GNPTAB: variants seen among roughly 807,000 people sequenced by gnomAD.
GNPTAB encodes the protein N-acetylglucosamine-1-phosphate transferase subunits alpha and beta, also known as N-acetylglucosamine-1-phosphotransferase subunits alpha/beta.
GNPTAB carries 92 observed loss-of-function variants against 136.6 expected under a neutral mutation model. That is an observed-to-expected ratio of 0.67 (90% CI 0.57 to 0.80). GNPTAB has a LOEUF of 0.80. Ranked by LOEUF, GNPTAB falls within the 30% of genes least tolerant of loss-of-function variation. GNPTAB has a pLI of 0.00. For missense variants in GNPTAB, 1,343 were observed against 1,501.8 expected (o/e 0.89, Z 1.75); for synonymous variants, 512 against 535.1 (o/e 0.96, Z 0.60).
intron 6 of GNPTAB, 29 bp from the exon 7 acceptor site, chr12:101,780,315 T>G (rs1030994322): frequency 3.5e-5 from 56 of 1,612,524 alleles, no homozygotes; most frequent in Non-Finnish European, 4.8e-5. Context: ...CATAACTCAT[T>G]TTCCACATCA....
At chr12:101,826,255 T>C (rs1184179144) in intron 1 of GNPTAB, among the ~76,000 whole-genome samples, 1 of 152,154 alleles carries the variant, frequency 6.6e-6, no homozygotes, top group Non-Finnish European at 1.5e-5. Flanking sequence ...ACGAGTAGAT[T>C]CTATGTGAAC....
At chr12:101,802,198 TTA>T (rs1491381518) in intron 1 of GNPTAB, among the ~76,000 whole-genome samples, 1 of 106,324 alleles carries the variant, frequency 9.4e-6, no homozygotes, top group Non-Finnish European at 1.9e-5. Context: ...ACCCTGTCTC[TTA>T]AAAAAAAAAA....
chr12:101,828,517 G>A (rs533171220), intron 1 of GNPTAB, among the ~76,000 whole-genome samples: 9 of 152,250 alleles, frequency 5.9e-5, no homozygotes. Flanking sequence ...AAATTAGCCA[G>A]GTGTGGTGGC....
intron 13 of GNPTAB, 42 bp from the exon 14 acceptor site, chr12:101,761,805 T>C (rs1410543506): frequency 7.3e-7 from 1 of 1,374,096 alleles, no homozygotes; most frequent in Admixed American, 1.7e-5. Context: ...TTATGTTTAG[T>C]GCACAAGTGT....
At chr12:101,763,045 AC>A (rs1953025551) in intron 13 of GNPTAB, among the ~76,000 whole-genome samples, 1 of 151,932 alleles carries the variant, frequency 6.6e-6, no homozygotes, top group African/African-American at 2.4e-5. Flanking sequence ...ACATGGTGAA[AC>A]CCCGTCTCCA....
chr12:101,803,968 G>A (rs999005439), intron 1 of GNPTAB, among the ~76,000 whole-genome samples: 3 of 151,936 alleles, frequency 2.0e-5, no homozygotes, highest in African/African-American at 7.3e-5. Context: ...ATGGTGGCTC[G>A]TGCCTGTAAT....
chr12:101,777,320 C>T (rs1009588930), intron 7 of GNPTAB, among the ~76,000 whole-genome samples: 1 of 152,188 alleles, frequency 6.6e-6, no homozygotes, highest in Non-Finnish European at 1.5e-5. Context: ...GCAGATCAGA[C>T]TGTGTCCTTC....
intron 1 of GNPTAB, among the ~76,000 whole-genome samples, chr12:101,823,794 G>A (rs148356561): frequency 6.6e-6 from 1 of 152,238 alleles, no homozygotes; most frequent in East Asian, 1.9e-4. Flanking sequence ...CTTGAGCTGT[G>A]TTTAACAAAG....
intron 19 of GNPTAB, among the ~76,000 whole-genome samples, chr12:101,749,766 T>C (rs755569454): frequency 1.3e-5 from 2 of 152,172 alleles, no homozygotes; most frequent in Non-Finnish European, 2.9e-5. Flanking sequence ...GAAGGAGCAG[T>C]AGAGTGGCAC....
chr12:101,746,569 G>A lies in GNPTAB; in HGVS notation c.*595C>T, dbSNP rs1952738467. The A allele has an allele frequency of 6.5e-6, 1 of 153,142 alleles. No individual in the cohort carries two copies. Among genetic ancestry groups the A allele is most frequent in the South Asian group, 2.0e-4 (1 of 4,890 alleles). 9.5% of individuals were successfully genotyped at this position (153,142 alleles called of 1,614,324 possible). ...AGCTCTTCAGTAGTTAGTGGTTTAA[G>A]ACCATTTACAGTCTTAAATATTAAT... On this transcript the variant is annotated 3_prime_UTR_variant, in exon 21 of 21. Coordinates refer to ENST00000299314, the MANE Select transcript of GNPTAB (RefSeq NM_024312.5).
intron 1 of GNPTAB, among the ~76,000 whole-genome samples, chr12:101,824,833 C>T (rs1322570336): frequency 6.6e-6 from 1 of 152,286 alleles, no homozygotes; most frequent in East Asian, 1.9e-4. Flanking sequence ...GAGTCTGTCA[C>T]TTGCAACCTA....
At chr12:101,766,562 CG>C (rs1243215609) in intron 11 of GNPTAB, among the ~76,000 whole-genome samples, 1 of 152,102 alleles carries the variant, frequency 6.6e-6, no homozygotes, top group Non-Finnish European at 1.5e-5. Context: ...TGCTTGAACC[CG>C]GGAGGCGGAG....
intron 4 of GNPTAB, among the ~76,000 whole-genome samples, chr12:101,787,773 C>T (rs951717448): frequency 1.1e-4 from 17 of 151,960 alleles, no homozygotes; most frequent in Admixed American, 9.8e-4. Context: ...ATTAGTCAGG[C>T]GTGGTGGTGC....
intron 1 of GNPTAB, among the ~76,000 whole-genome samples, chr12:101,830,066 T>C (rs921383501): frequency 6.6e-6 from 1 of 150,612 alleles, no homozygotes; most frequent in Non-Finnish European, 1.5e-5. Context: ...TTCAAACCAC[T>C]TAAAAATACA....
chr12:101,826,961 T>TG (rs1006695205), intron 1 of GNPTAB, among the ~76,000 whole-genome samples: 1 of 135,740 alleles, frequency 7.4e-6, no homozygotes, highest in Non-Finnish European at 1.6e-5. Flanking sequence ...TTTTTTTTTT[T>TG]TTTTTTTTTT....
At chr12:101,762,107 C>T (rs1037621800) in intron 13 of GNPTAB, among the ~76,000 whole-genome samples, 1 of 152,210 alleles carries the variant, frequency 6.6e-6, no homozygotes, top group Non-Finnish European at 1.5e-5. Flanking sequence ...TGTACATATA[C>T]ATTTGATAGT....
At chr12:101,794,132 C>T (rs990292212) in intron 2 of GNPTAB, among the ~76,000 whole-genome samples, 4 of 152,190 alleles carry the variant, frequency 2.6e-5, no homozygotes, top group East Asian at 1.9e-4. Context: ...CGTGAGCCAC[C>T]GTGCCTGGCC....
At chr12:101,815,942 T>TG (rs1187534681) in intron 1 of GNPTAB, among the ~76,000 whole-genome samples, 2 of 152,206 alleles carry the variant, frequency 1.3e-5, no homozygotes, top group Middle Eastern at 3.4e-3. Flanking sequence ...GAACATACGA[T>TG]GGGGAAAGGA....
intron 16 of GNPTAB, 70 bp downstream of exon 16, chr12:101,759,960 G>A (rs1952966555): frequency 1.1e-6 from 1 of 929,846 alleles, no homozygotes; most frequent in Non-Finnish European, 1.8e-6. Context: ...GTGCTATACA[G>A]AAATGCTGTA....
Sources: gnomAD v4.1 joint callset for allele counts (sites outside exome capture counted in the v4.1 genomes callset) on GRCh38, gnomAD v4.1.1 for gene constraint, MANE v1.5 for transcripts, NCBI Gene and HGNC (gene_info 2026-07-23, HGNC 2026-07-21) for gene names.